CPLANE1: variants seen among roughly 807,000 people sequenced by gnomAD.
CPLANE1 encodes ciliogenesis and planar polarity effector complex subunit 1.
CPLANE1 carries 263 observed loss-of-function variants against 362.5 expected under a neutral mutation model. The observed-to-expected ratio is 0.73, with a 90% CI of 0.66 to 0.80. CPLANE1 has a LOEUF of 0.80. Among genes scored for constraint, CPLANE1 ranks in the 30% least tolerant of loss-of-function variants. CPLANE1 has a pLI of 0.00. For synonymous variants in CPLANE1, 1,212 were observed against 1,302.6 expected (o/e 0.93, Z 1.50); for missense variants, 3,461 against 3,793.4 (o/e 0.91, Z 2.30).
chr5:37,184,060 A>G (rs1345318477), intron 25 of CPLANE1, among the ~76,000 whole-genome samples: 11 of 152,306 alleles, frequency 7.2e-5, no homozygotes, highest in African/African-American at 2.4e-4. Flanking sequence ...CAAAAACTCC[A>G]AGCCACTGAT....
chr5:37,133,455 T>C (rs1766590050), intron 46 of CPLANE1, among the ~76,000 whole-genome samples: 1 of 152,062 alleles, frequency 6.6e-6, no homozygotes, highest in Non-Finnish European at 1.5e-5. Context: ...CAGAAGTGTT[T>C]CGTAGTTCTC....
chr5:37,181,067 A>C (rs1782549418), intron 26 of CPLANE1, 62 bp from the exon 27 acceptor site: 21 of 1,362,098 alleles, frequency 1.5e-5, no homozygotes, highest in Non-Finnish European at 2.0e-5. Context: ...ACCATATTTT[A>C]AAATTATTCA....
intron 46 of CPLANE1, chr5:37,138,502 A>G (rs749007406): frequency 3.0e-6 from 2 of 671,648 alleles, no homozygotes; most frequent in Non-Finnish European, 5.5e-6. Context: ...TGTTGTACTT[A>G]GAGTGATTCT....
intron 4 of CPLANE1, among the ~76,000 whole-genome samples, chr5:37,244,865 A>G (rs1738977051): frequency 1.3e-5 from 2 of 152,044 alleles, no homozygotes; most frequent in Admixed American, 6.6e-5. Flanking sequence ...TCATGCCACT[A>G]TACTTCAGCC....
At chr5:37,124,213 C>T (rs185965484) in intron 47 of CPLANE1, among the ~76,000 whole-genome samples, 113 of 151,814 alleles carry the variant, frequency 7.4e-4, no homozygotes, top group Admixed American at 1.6e-3. Context: ...CCTAATGATG[C>T]TGAAAAAAAT....
intron 8 of CPLANE1, among the ~76,000 whole-genome samples, chr5:37,236,863 C>A (rs571603704): frequency 6.6e-6 from 1 of 151,696 alleles, no homozygotes; most frequent in African/African-American, 2.4e-5. Flanking sequence ...AAAACCACAA[C>A]GAGATAACAT....
At chr5:37,088,104 G>A in the CPLANE1 span, among the ~76,000 whole-genome samples, 4 of 152,178 alleles carry the variant, frequency 2.6e-5, no homozygotes, top group African/African-American at 9.7e-5. Context: ...GGCTTGGGAC[G>A]GAATTCCCAA....
At chr5:37,215,049 AT>A (rs369122719) in intron 15 of CPLANE1, among the ~76,000 whole-genome samples, 1 of 151,400 alleles carries the variant, frequency 6.6e-6, no homozygotes, top group Non-Finnish European at 1.5e-5. Flanking sequence ...TTCCCTTATG[AT>A]TTTTTTTTCT....
intron 50 of CPLANE1, among the ~76,000 whole-genome samples, chr5:37,117,131 C>A (rs750221516): frequency 1.3e-5 from 2 of 152,094 alleles, no homozygotes; most frequent in African/African-American, 4.8e-5. Context: ...CTATAATACC[C>A]GCCTATTAAT....
At chr5:37,099,663 G>A in the CPLANE1 span, among the ~76,000 whole-genome samples, 2 of 152,114 alleles carry the variant, frequency 1.3e-5, no homozygotes, top group East Asian at 3.8e-4. Flanking sequence ...AACCAGTAAT[G>A]GGATTACTGG....
chr5:37,082,706 A>G, the CPLANE1 span, among the ~76,000 whole-genome samples: 2 of 151,992 alleles, frequency 1.3e-5, no homozygotes, highest in South Asian at 4.1e-4. Flanking sequence ...TATTTCACCT[A>G]TAATGACACA....
chr5:37,244,233 G>T, intron 5 of CPLANE1, 142 bp downstream of exon 5: 1 of 534,852 alleles, frequency 1.9e-6, no homozygotes. Flanking sequence ...TTAAAAATGT[G>T]ACCCAAGAAA....
chr5:37,208,429 G>A (rs1184773241), intron 16 of CPLANE1, among the ~76,000 whole-genome samples: 2 of 152,192 alleles, frequency 1.3e-5, no homozygotes, highest in African/African-American at 4.8e-5. Context: ...TGTAATCCCA[G>A]CACTTTGGGA....
intron 18 of CPLANE1, among the ~76,000 whole-genome samples, chr5:37,204,108 T>C (rs976625779): frequency 6.6e-6 from 1 of 152,218 alleles, no homozygotes; most frequent in African/African-American, 2.4e-5. Flanking sequence ...AAGTTCAGAC[T>C]GGGGATATTT....
intron 15 of CPLANE1, among the ~76,000 whole-genome samples, chr5:37,219,850 C>A (rs1393169417): frequency 6.6e-6 from 1 of 151,930 alleles, no homozygotes; most frequent in African/African-American, 2.4e-5. Flanking sequence ...CAAAAAAAAA[C>A]TAAACTTGTA....
chr5:37,227,220 AAT>A, intron 11 of CPLANE1, 21 bp downstream of exon 11: 1 of 1,545,334 alleles, frequency 6.5e-7, no homozygotes, highest in East Asian at 2.5e-5. Flanking sequence ...GTTCCAAGTA[AAT>A]AAAATTCTGC....
chr5:37,232,720 C>T (rs1022909681), intron 8 of CPLANE1, among the ~76,000 whole-genome samples: 3 of 151,026 alleles, frequency 2.0e-5, no homozygotes, highest in Non-Finnish European at 4.4e-5. Flanking sequence ...CCTGTAATCC[C>T]AGCTACTTGG....
At chr5:37,114,447 T>C (rs1420752791) in intron 51 of CPLANE1, among the ~76,000 whole-genome samples, 8 of 152,190 alleles carry the variant, frequency 5.3e-5, no homozygotes, top group Non-Finnish European at 8.8e-5. Flanking sequence ...TAAGAATACA[T>C]AAATGGGTTA....
chr5:37,155,904 T>C (rs1774955908), intron 41 of CPLANE1, among the ~76,000 whole-genome samples: 1 of 152,220 alleles, frequency 6.6e-6, no homozygotes, highest in East Asian at 1.9e-4. Context: ...CTCCTTTCAC[T>C]TTCCCACATA....
Sources: gnomAD v4.1 joint callset for allele counts (sites outside exome capture counted in the v4.1 genomes callset) on GRCh38, gnomAD v4.1.1 for gene constraint, MANE v1.5 for transcripts, NCBI Gene and HGNC (gene_info 2026-07-23, HGNC 2026-07-21) for gene names.